Variants in NAALADL2 observed in about 807,000 individuals in gnomAD.
NAALADL2 encodes the protein inactive N-acetylated-alpha-linked acidic dipeptidase-like protein 2.
A neutral mutation model predicts 87.2 loss-of-function variants in NAALADL2; 76 were observed. The ratio of observed to expected loss-of-function variants is 0.87; its 90% confidence interval spans 0.72 to 1.05. The LOEUF is 1.05. Among genes scored for constraint, NAALADL2 ranks in the 50% least tolerant of loss-of-function variants. The pLI is 0.00. For synonymous variants in NAALADL2, 354 were observed against 331.0 expected, an observed-to-expected ratio of 1.07 and a Z score of -0.75; for missense variants, 1,089 against 945.8, an observed-to-expected ratio of 1.15 and a Z score of -1.99.
intron 11 of NAALADL2, among the ~76,000 whole-genome samples, chr3:175,710,951 A>G (rs1243468480): frequency 1.3e-5 from 2 of 151,886 alleles, no homozygotes; most frequent in African/African-American, 2.4e-5. Flanking sequence ...ATTATTCTTG[A>G]TGTTGCTATG....
chr3:175,344,270 C>T (rs1398500309), intron 5 of NAALADL2, among the ~76,000 whole-genome samples: 3 of 152,070 alleles, frequency 2.0e-5, no homozygotes, highest in Admixed American at 2.0e-4. Flanking sequence ...TGGAAGTTGA[C>T]TTACATCCAC....
chr3:175,740,312 T>G (rs1481354228), intron 12 of NAALADL2, among the ~76,000 whole-genome samples: 1 of 152,116 alleles, frequency 6.6e-6, no homozygotes, highest in Non-Finnish European at 1.5e-5. Flanking sequence ...TTTAGTAGAT[T>G]AGTATAAGCA....
intron 9 of NAALADL2, among the ~76,000 whole-genome samples, chr3:175,488,363 A>G (rs1471098933): frequency 6.6e-6 from 1 of 152,250 alleles, no homozygotes; most frequent in African/African-American, 2.4e-5. Flanking sequence ...GCATTCTATT[A>G]CTTGACTAAA....
In NAALADL2 at chr3:174,665,220, T is replaced by C. The variant is rs191419929; in HGVS notation, c.-114-72421T>C. 6.8e-4 allele frequency among the ~76,000 whole-genome samples: 103 copies of C among 152,116 alleles called. 1 individual carries two copies. The highest frequency in any genetic ancestry group is 1.3e-3 in the Admixed American group (20 of 15,272). On this transcript the variant is annotated intron_variant, in intron 2 of 3. Coordinates refer to the NAALADL2 transcript ENST00000434257. ...TTACATAGAGATTTTCTGCTAACAA[T>C]AGGGGGAAGAAACCAAACAGCCCTA...
At chr3:174,558,657 C>T (rs997658148) in intron 2 of NAALADL2, among the ~76,000 whole-genome samples, 1 of 152,014 alleles carries the variant, frequency 6.6e-6, no homozygotes, top group Non-Finnish European at 1.5e-5. Flanking sequence ...ATAATGCCAG[C>T]GATGGGGAGG....
intron 2 of NAALADL2, among the ~76,000 whole-genome samples, chr3:174,570,556 CG>C (rs1714815143): frequency 6.6e-6 from 1 of 152,034 alleles, no homozygotes; most frequent in South Asian, 2.1e-4. Context: ...ATCTAAGGCG[CG>C]CTAGGGGATT....
chr3:175,484,529 T>A (rs80288043), intron 9 of NAALADL2, among the ~76,000 whole-genome samples: 4,884 of 152,178 alleles, frequency 0.032, 253 homozygotes, highest in African/African-American at 0.11. Flanking sequence ...CTTTCTTTAA[T>A]AAAGAAAATA....
At chr3:174,833,611 A>C (rs1055395515) in intron 3 of NAALADL2, among the ~76,000 whole-genome samples, 1 of 152,112 alleles carries the variant, frequency 6.6e-6, no homozygotes, top group Non-Finnish European at 1.5e-5. Flanking sequence ...TCCAGAAAAA[A>C]ACTATACTTT....
intron 4 of NAALADL2, among the ~76,000 whole-genome samples, chr3:175,299,717 A>G (rs929315384): frequency 2.0e-5 from 3 of 151,440 alleles, no homozygotes; most frequent in African/African-American, 7.3e-5. Flanking sequence ...GGTTTTCTAA[A>G]TATGTTGTCT....
intron 4 of NAALADL2, among the ~76,000 whole-genome samples, chr3:175,312,348 T>C (rs1758485021): frequency 6.6e-6 from 1 of 152,202 alleles, no homozygotes; most frequent in African/African-American, 2.4e-5. Context: ...GTTTATTTTT[T>C]ATGTTACTAT....
rs561303468 is a variant in NAALADL2, at chr3:174,498,544, C to A, written c.-183-52025C>A. 2.6e-5 allele frequency among the ~76,000 whole-genome samples: 4 copies of A among 151,168 alleles called. No homozygotes were observed. The East Asian group carries it at 7.7e-4, about 29-fold the overall frequency. ...TGTGTATAGACCTGTGCTTTTATTT[C>A]TCTTGAGAAAATAAGGGGAATGGCA... On this transcript the variant is annotated intron_variant, in intron 1 of 3. Coordinates refer to the NAALADL2 transcript ENST00000434257.
rs778947629 is a variant in NAALADL2 at position 174,859,383 on chromosome 3, G to A, written c.-25G>A. On this transcript the variant is annotated 5_prime_UTR_variant, in exon 1 of 14. Transcript: ENST00000454872. ...AAGTGACACAACTTGAAACTGCTTG[G>A]CCCTCTTTAAAAAGAAATAATAAAA... 14 of 1,591,978 alleles carry A rather than the reference G, an allele frequency of 8.8e-6. No individual in the cohort carries two copies. In the East Asian group the frequency reaches 2.9e-4, roughly 33 times the overall value.
intron 2 of NAALADL2, among the ~76,000 whole-genome samples, chr3:175,105,590 A>AC (rs1722981896): frequency 6.7e-6 from 1 of 150,038 alleles, no homozygotes; most frequent in African/African-American, 2.4e-5. Context: ...ACACATACAC[A>AC]AATCCTAATC....
intron 4 of NAALADL2, among the ~76,000 whole-genome samples, chr3:175,322,363 T>C (rs1445979766): frequency 5.1e-5 from 6 of 118,386 alleles, no homozygotes; most frequent in Admixed American, 8.8e-5. Context: ...ATTTAAACGT[T>C]AGACCTAAAA....
intron 5 of NAALADL2, among the ~76,000 whole-genome samples, chr3:175,387,337 C>T (rs1168147197): frequency 7.2e-5 from 11 of 151,966 alleles, no homozygotes; most frequent in Admixed American, 4.6e-4. Flanking sequence ...TTTATCATTC[C>T]TTCTTCATGT....
intron 9 of NAALADL2, among the ~76,000 whole-genome samples, chr3:175,565,479 G>A (rs1048787293): frequency 1.3e-5 from 2 of 152,070 alleles, no homozygotes; most frequent in East Asian, 1.9e-4. Context: ...TTTGCTTTCC[G>A]TGTTGGCCCA....
chr3:175,456,657 T>G (rs899565280), intron 6 of NAALADL2, among the ~76,000 whole-genome samples: 1 of 152,044 alleles, frequency 6.6e-6, no homozygotes, highest in African/African-American at 2.4e-5. Flanking sequence ...ATCTCTGACT[T>G]TGTCAGTGAA....
At chr3:175,258,222 C>A (rs757131214) in intron 4 of NAALADL2, among the ~76,000 whole-genome samples, 1 of 150,886 alleles carries the variant, frequency 6.6e-6, no homozygotes, top group South Asian at 2.1e-4. Flanking sequence ...GCAAGAGAAT[C>A]GCTTGAACCC....
chr3:175,442,271 A>T (rs1278617561), intron 5 of NAALADL2, among the ~76,000 whole-genome samples: 1 of 147,052 alleles, frequency 6.8e-6, no homozygotes, highest in African/African-American at 2.5e-5. Flanking sequence ...TTAGGTTTAA[A>T]AGTATCCCAT....
Sources: allele counts gnomAD v4.1 joint callset (sites outside exome capture counted in the v4.1 genomes callset), GRCh38; gene constraint gnomAD v4.1.1; transcripts MANE v1.5; gene names NCBI Gene and HGNC (gene_info 2026-07-23, HGNC 2026-07-21).